Variants in UACA observed in about 807,000 individuals in gnomAD.
UACA encodes nuclear membrane binding protein.
In UACA, 112 loss-of-function variants were observed where a neutral mutation model predicts 160.5. The ratio of observed to expected loss-of-function variants is 0.70; its 90% CI spans 0.60 to 0.82. The LOEUF (loss-of-function observed/expected upper bound fraction) is 0.82, where lower values mean the gene tolerates loss of function less well. Ranked by LOEUF, UACA falls within the 40% of genes least tolerant of loss-of-function variation. The probability of loss-of-function intolerance (pLI) is 0.00; values close to 1 mark genes in which losing one functional copy is unlikely to be tolerated. For synonymous variants in UACA, 557 were observed against 568.4 expected (o/e 0.98, Z 0.29); for missense variants, 1,574 against 1,614.6 (o/e 0.97, Z 0.43).
intron 1 of UACA, chr15:70,703,114 T>C: frequency 7.8e-7 from 1 of 1,289,130 alleles, no homozygotes. Context: ...TACGATAGCA[T>C]ACTTGTATCA....
chr15:70,735,147 T>TAAAAAAAAAAAAAAAAATTCTCAA (rs71152311), intron 1 of UACA, among the ~76,000 whole-genome samples: 2 of 3,106 alleles, frequency 6.4e-4, no homozygotes, highest in African/African-American at 2.3e-3. Flanking sequence ...TAGAGTATAA[T>TAAAAAAAAAAAAAAAAATTCTCAA]AAAAAAAAAA....
upstream of UACA, among the ~76,000 whole-genome samples, chr15:70,766,231 G>A (rs963318914): frequency 6.6e-6 from 1 of 152,182 alleles, no homozygotes; most frequent in Non-Finnish European, 1.5e-5. Flanking sequence ...TGAATATTCA[G>A]TAAAGCTTTT....
chr15:70,700,318 T>TATATATATATATACACACAC (rs565377949), intron 1 of UACA, among the ~76,000 whole-genome samples: 6 of 139,818 alleles, frequency 4.3e-5, no homozygotes, highest in African/African-American at 1.7e-4. Context: ...TATATATATA[T>TATATATATATATACACACAC]ACACACACAC....
At chr15:70,746,536 GAGTGTAAATT>G (rs1899712992) in intron 1 of UACA, among the ~76,000 whole-genome samples, 2 of 152,300 alleles carry the variant, frequency 1.3e-5, no homozygotes, top group African/African-American at 4.8e-5. Context: ...CTGTTGGTGG[GAGTGTAAATT>G]AGTTCAACCA....
At chr15:70,728,599 A>T (rs1899222298) in intron 1 of UACA, among the ~76,000 whole-genome samples, 1 of 151,810 alleles carries the variant, frequency 6.6e-6, no homozygotes, top group Non-Finnish European at 1.5e-5. Context: ...ATAGAAAAAA[A>T]ACCTAGGAAA....
In UACA at chr15:70,676,630, T is replaced by C. The variant is rs755293699; in HGVS notation, c.1033-39A>G. ...GAATAAATACAGTAAAATCACCCTG[T>C]GCTTGGAATTGGATTAAAAATGTGT... is the stretch of plus-strand genomic sequence containing the variant. On this transcript the variant is annotated intron_variant, in intron 12 of 18. Coordinates refer to ENST00000322954, the MANE Select transcript of UACA (RefSeq NM_018003.4). The C allele has an allele frequency of 5.3e-6, 8 of 1,520,438 alleles. No homozygotes were observed. The Admixed American group carries it at 1.4e-4, about 26-fold the overall frequency. 94.2% of individuals were successfully genotyped at this position (1,520,438 alleles called of 1,614,324 possible). A position where few individuals can be genotyped will look rare whatever the true frequency, so the allele number is the denominator to read the frequency against.
upstream of UACA, chr15:70,768,126 C>A (rs2031060276): frequency 6.6e-6 from 1 of 152,168 alleles, no homozygotes; most frequent in Non-Finnish European, 1.5e-5. Flanking sequence ...TAACCATAGA[C>A]CCTCATGTAA....
intron 2 of UACA, 58 bp from the exon 3 acceptor site, chr15:70,695,163 G>T: frequency 7.8e-7 from 1 of 1,275,016 alleles, no homozygotes; most frequent in Non-Finnish European, 1.1e-6. Context: ...CACCTTAAAT[G>T]CTACATTAAT....
At chr15:70,684,178 T>C in intron 8 of UACA, 87 bp downstream of exon 8, 3 of 1,210,482 alleles carry the variant, frequency 2.5e-6, no homozygotes, top group Non-Finnish European at 3.5e-6. Flanking sequence ...TTTTGCTTCT[T>C]ATAAACTGTA....
intron 1 of UACA, among the ~76,000 whole-genome samples, chr15:70,749,843 C>T (rs2029930666): frequency 6.6e-6 from 1 of 151,960 alleles, no homozygotes; most frequent in African/African-American, 2.4e-5. Context: ...GCTATTCACC[C>T]GAACTGAATA....
At chr15:70,752,542 T>TTATC (rs1408853166) in intron 1 of UACA, among the ~76,000 whole-genome samples, 1 of 148,790 alleles carries the variant, frequency 6.7e-6, no homozygotes, top group Non-Finnish European at 1.5e-5. Flanking sequence ...CCCCCACCAC[T>TTATC]TATCTCTCTC....
In UACA at chr15:70,707,828, T is replaced by G. The variant is rs75143701; in HGVS notation, c.79-8168A>C. 4.1e-3 allele frequency among the ~76,000 whole-genome samples: 626 copies of G among 152,286 alleles called. 4 individuals carry two copies. Among genetic ancestry groups the G allele is most frequent in the African/African-American group, 0.015 (604 of 41,558 alleles). On this transcript the variant is annotated intron_variant, in intron 1 of 18. Transcript: ENST00000322954. Reference sequence around the variant, plus strand: ...TAGAACCCTTGTGCACTGTGGGGATTGTAAAATAGTCCAACTACGATGGAA... The same window carrying G: ...TAGAACCCTTGTGCACTGTGGGGATGGTAAAATAGTCCAACTACGATGGAA...
intron 1 of UACA, among the ~76,000 whole-genome samples, chr15:70,738,631 AAC>A (rs1485264591): frequency 1.3e-5 from 2 of 152,204 alleles, no homozygotes; most frequent in African/African-American, 4.8e-5. Flanking sequence ...ATGGTTTTAA[AAC>A]ATGAAGACAA....
chr15:70,775,424 A>G, the UACA span, among the ~76,000 whole-genome samples: 12 of 152,110 alleles, frequency 7.9e-5, no homozygotes, highest in Non-Finnish European at 1.3e-4. Context: ...TCCCTTGGGT[A>G]TGTCTAGCAA....
chr15:70,770,667 A>G, the UACA span, among the ~76,000 whole-genome samples: 1 of 152,230 alleles, frequency 6.6e-6, no homozygotes, highest in Non-Finnish European at 1.5e-5. Flanking sequence ...CCCTGGACCT[A>G]AACAATAATT....
chr15:70,709,403 G>A (rs942096282), intron 1 of UACA, among the ~76,000 whole-genome samples: 1 of 152,078 alleles, frequency 6.6e-6, no homozygotes, highest in Non-Finnish European at 1.5e-5. Context: ...ACTGGATAAC[G>A]TTAAACTCTA....
At chr15:70,754,308 T>G (rs1383838359) in intron 1 of UACA, 1 of 331,428 alleles carries the variant, frequency 3.0e-6, no homozygotes, top group Non-Finnish European at 6.0e-6. Context: ...CAGCAGAAAC[T>G]GTATGTACTT....
Position 70,687,632 on chromosome 15 carries a change from T to C in UACA, c.510A>G (p.Pro170=). 1 of 1,613,938 alleles carries C rather than the reference T, an allele frequency of 6.2e-7. No homozygotes were observed. The highest frequency in any genetic ancestry group is 8.5e-7 in the Non-Finnish European group (1 of 1,179,854). ...TACTCATCTGAGTAGCCAGAACAAG[T>C]GGTGTCCGCCCGTCCTAAGCAACAG... The part of the protein sequence containing the change: ...VNAKDVDGRT[P]LVLATQMSRP... The change falls in exon 7 of 19, where the codon CCA becomes CCG. Residue 170 remains proline (P), a synonymous_variant. Transcript: ENST00000322954.
chr15:70,674,383 C>A (rs1424660179), intron 13 of UACA, among the ~76,000 whole-genome samples: 1 of 152,110 alleles, frequency 6.6e-6, no homozygotes, highest in Non-Finnish European at 1.5e-5. Flanking sequence ...ATATAACACA[C>A]AAATTATGTA....
Sources: allele counts gnomAD v4.1 joint callset (sites outside exome capture counted in the v4.1 genomes callset), GRCh38; gene constraint gnomAD v4.1.1; transcripts MANE v1.5; gene names NCBI Gene and HGNC (gene_info 2026-07-23, HGNC 2026-07-21).